Variants in ITCH observed in about 807,000 individuals in gnomAD.
ITCH encodes itchy E3 ubiquitin protein ligase.
A neutral mutation model predicts 126.8 loss-of-function variants in ITCH; 28 were observed. The observed-to-expected ratio is 0.22, with a 90% CI of 0.16 to 0.30. The LOEUF (loss-of-function observed/expected upper bound fraction) is 0.30, where lower values mean the gene tolerates loss of function less well. Among genes scored for constraint, ITCH ranks in the 10% least tolerant of loss-of-function variants. The pLI, the probability that ITCH is intolerant of heterozygous loss-of-function variation, is 1.00. For missense variants in ITCH, 631 were observed against 1,032.4 expected, an observed-to-expected ratio of 0.61 and a Z score of 5.33; for synonymous variants, 342 against 340.0, an observed-to-expected ratio of 1.01 and a Z score of -0.06.
In ITCH at chr20:34,445,295, G is replaced by A; in HGVS notation, c.974G>A (p.Arg325Gln). Reference protein sequence around the residue: ...RPEPLPPGWERRVDNMGRIYY... With the variant: ...RPEPLPPGWEQRVDNMGRIYY... ...TTTTTTTTCTGATTTAGCTGGGAAC[G>A]GCGGGTTGACAACATGGGACGTATT... is the stretch of plus-strand genomic sequence containing the variant. Residue 325 changes from arginine (R) to glutamine (Q), a missense_variant, in exon 11 of 25, where the codon CGG (arginine) becomes CAG (glutamine). Around this residue, in one of 4 missense-constraint regions of ITCH, gnomAD observed 390 missense variants for 731.6 expected, o/e 0.53. Coordinates refer to ENST00000374864, the MANE Select transcript of ITCH (RefSeq NM_031483.7). 6.3e-7 allele frequency: 1 copy of A among 1,591,508 alleles called. No individual in the cohort carries two copies. The highest frequency in any genetic ancestry group is 8.6e-7 in the Non-Finnish European group (1 of 1,166,194).
chr20:34,384,731 G>A (rs1273915257), intron 2 of ITCH, among the ~76,000 whole-genome samples: 1 of 143,690 alleles, frequency 7.0e-6, no homozygotes, highest in Non-Finnish European at 1.5e-5. Context: ...CATGTCCTCA[G>A]CTCACTGCAA....
At chr20:34,400,585 G>A (rs2038839652) in intron 3 of ITCH, among the ~76,000 whole-genome samples, 1 of 149,450 alleles carries the variant, frequency 6.7e-6, no homozygotes. Context: ...AGTAATCAGT[G>A]TTTGTATCAA....
At chr20:34,466,185 T>C (rs1987042527) in intron 14 of ITCH, 1 of 280,776 alleles carries the variant, frequency 3.6e-6, no homozygotes, top group South Asian at 3.5e-5. Flanking sequence ...ATGTGATTTT[T>C]TCCCCCCCTC....
At chr20:34,402,468 TGAA>T (rs2038920569) in intron 3 of ITCH, 1 of 767,030 alleles carries the variant, frequency 1.3e-6, no homozygotes, top group South Asian at 1.3e-5. Flanking sequence ...GAGAGACCAC[TGAA>T]AAATAGACTA....
At chr20:34,373,975 C>G (rs1372202488) in intron 2 of ITCH, among the ~76,000 whole-genome samples, 1 of 151,956 alleles carries the variant, frequency 6.6e-6, no homozygotes, top group East Asian at 1.9e-4. Context: ...ATCTCCGTCT[C>G]CCAGGTTAAA....
rs764734595 is a variant in ITCH, at chr20:34,408,661, A to G, written c.81A>G (p.Ala27=). Residue 27 remains alanine (A), a synonymous_variant, in exon 4 of 25, where the codon GCA becomes GCG. Transcript: ENST00000374864. Reference sequence around the variant, plus strand: ...ATTTCTTTTACATAGTCATCTCAGCAAAACTTAAGGAAAATAAGAAGAATT... The same window carrying G: ...ATTTCTTTTACATAGTCATCTCAGCGAAACTTAAGGAAAATAAGAAGAATT... The part of the protein sequence containing the change: ...KSQLQITVIS[A]KLKENKKNWF... The G allele has an allele frequency of 2.5e-6, 4 of 1,613,418 alleles. No homozygotes were observed. Among genetic ancestry groups the G allele is most frequent in the Non-Finnish European group, 3.4e-6 (4 of 1,179,350 alleles).
chr20:34,373,274 A>G (rs2037709081), intron 2 of ITCH, among the ~76,000 whole-genome samples: 1 of 150,964 alleles, frequency 6.6e-6, no homozygotes, highest in Non-Finnish European at 1.5e-5. Flanking sequence ...CACCTGGCCA[A>G]ATGTATTTTT....
chr20:34,431,219 G>C (rs545547917), intron 7 of ITCH, among the ~76,000 whole-genome samples: 12 of 152,214 alleles, frequency 7.9e-5, no homozygotes, highest in Admixed American at 7.9e-4. Flanking sequence ...TTTGAGACCA[G>C]CCTGAGGGAC....
intron 20 of ITCH, among the ~76,000 whole-genome samples, chr20:34,486,231 C>A (rs1437278577): frequency 6.6e-6 from 1 of 151,886 alleles, no homozygotes; most frequent in East Asian, 1.9e-4. Context: ...GTTACCCAGG[C>A]TGGTCTCCAA....
intron 14 of ITCH, among the ~76,000 whole-genome samples, chr20:34,468,922 A>G (rs1284703698): frequency 2.0e-5 from 3 of 152,246 alleles, no homozygotes; most frequent in African/African-American, 7.2e-5. Flanking sequence ...AGAAAAAATT[A>G]CTAGAACTAG....
chr20:34,498,051 ACCT>A (rs765978655), intron 23 of ITCH, among the ~76,000 whole-genome samples: 35 of 152,034 alleles, frequency 2.3e-4, no homozygotes, highest in Middle Eastern at 3.4e-3. Context: ...GAGATCGTTC[ACCT>A]CCTTGGTTAA....
At position 34,408,701 on chromosome 20, in the gene ITCH, C is replaced by A. The variant is rs1978502785; in HGVS notation, c.121C>A (p.Pro41Thr). The change falls in exon 4 of 25, where the codon CCT becomes ACT. Residue 41 changes from proline to threonine, a missense_variant. Physicochemically the swap from Pro to Thr is conservative, Grantham distance 38. Around this residue, in one of 4 missense-constraint regions of ITCH, gnomAD observed 220 missense variants for 265.7 expected, o/e 0.83. Transcript: ENST00000374864. Reference sequence around the variant, plus strand: ...TAAGAAGAATTGGTTTGGACCAAGTCCTTACGTAGAGGTCACAGTAGATGG... The same window carrying A: ...TAAGAAGAATTGGTTTGGACCAAGTACTTACGTAGAGGTCACAGTAGATGG... ...ENKKNWFGPS[P>T]YVEVTVDGQS... The A allele has an allele frequency of 1.9e-6, 3 of 1,613,694 alleles. No homozygotes were observed. The highest frequency in any genetic ancestry group is 1.1e-5 in the South Asian group (1 of 91,084).
At chr20:34,365,651 G>A (rs527629924) in intron 1 of ITCH, among the ~76,000 whole-genome samples, 15 of 152,200 alleles carry the variant, frequency 9.9e-5, no homozygotes, top group African/African-American at 3.4e-4. Context: ...TCCTGACCTC[G>A]TGATCCACCT....
At chr20:34,405,583 T>A (rs568540388) in intron 3 of ITCH, among the ~76,000 whole-genome samples, 2 of 152,160 alleles carry the variant, frequency 1.3e-5, no homozygotes, top group South Asian at 4.1e-4. Context: ...CTTGCGTTGC[T>A]CTTTGTTCTA....
At chr20:34,474,541 GAA>G (rs1212755701) in intron 16 of ITCH, among the ~76,000 whole-genome samples, 3 of 152,350 alleles carry the variant, frequency 2.0e-5, no homozygotes, top group Non-Finnish European at 2.9e-5. Context: ...AGAACAAAAT[GAA>G]AAGTCTCCCA....
At chr20:34,382,005 A>G (rs1315688624) in intron 2 of ITCH, among the ~76,000 whole-genome samples, 1 of 152,126 alleles carries the variant, frequency 6.6e-6, no homozygotes, top group Non-Finnish European at 1.5e-5. Flanking sequence ...TTAGATTTCC[A>G]TTTGTTTACC....
At position 34,438,489 on chromosome 20, in the gene ITCH, A is replaced by G. The variant is rs1472888695; in HGVS notation, c.537A>G (p.Gly179=). ...TCTTACCCAGAGTGAGCACAAATGG[A>G]TCAGATGACCCTGAAGATGCAGGAG... The part of the protein sequence containing the change: ...SKDETRVSTN[G]SDDPEDAGAG... Residue 179 remains glycine, a synonymous_variant, in exon 8 of 25, where the codon GGA becomes GGG. Coordinates refer to ENST00000374864, the MANE Select transcript of ITCH (RefSeq NM_031483.7). 1.9e-6 allele frequency: 3 copies of G among 1,613,804 alleles called. No homozygotes were observed. The highest frequency in any genetic ancestry group is 2.5e-6 in the Non-Finnish European group (3 of 1,179,972).
At chr20:34,375,435 A>G (rs547346338) in intron 2 of ITCH, among the ~76,000 whole-genome samples, 97 of 149,234 alleles carry the variant, frequency 6.5e-4, no homozygotes, top group Non-Finnish European at 1.2e-3. Context: ...ACATGTACAT[A>G]TTTTAAAACA....
intron 3 of ITCH, among the ~76,000 whole-genome samples, chr20:34,405,154 A>AT (rs1454037855): frequency 2.0e-5 from 3 of 151,244 alleles, no homozygotes; most frequent in African/African-American, 7.3e-5. Context: ...AAAAAAAAAA[A>AT]AAAAAAAAAA....
Sources: gnomAD v4.1 joint callset for allele counts (sites outside exome capture counted in the v4.1 genomes callset) on GRCh38, gnomAD v4.1.1 for gene constraint, gnomAD v4.1.1 regional missense constraint, MANE v1.5 for transcripts, NCBI Gene and HGNC (gene_info 2026-07-23, HGNC 2026-07-21) for gene names.